The following ITGAD variants were observed in gnomAD, a reference collection of about 807,000 sequenced individuals.
The protein encoded by ITGAD is integrin subunit alpha D.
A neutral mutation model predicts 139.0 loss-of-function variants in ITGAD; 105 were observed. That is an observed-to-expected ratio of 0.76 (90% CI 0.65 to 0.89). ITGAD has a LOEUF of 0.89. Among genes scored for constraint, ITGAD ranks in the 40% least tolerant of loss-of-function variants. The pLI is 0.00. For synonymous variants in ITGAD, 569 were observed against 598.3 expected, an observed-to-expected ratio of 0.95 and a Z score of 0.71; for missense variants, 1,384 against 1,487.3, an observed-to-expected ratio of 0.93 and a Z score of 1.14.
chr16:31,408,619 G>GC (rs2081600553), intron 10 of ITGAD, 121 bp downstream of exon 10: 4 of 806,662 alleles, frequency 5.0e-6, no homozygotes, highest in Non-Finnish European at 8.1e-6. Flanking sequence ...CCAGGGAGAG[G>GC]CCCCCACGCG....
intron 5 of ITGAD, among the ~76,000 whole-genome samples, chr16:31,398,124 GACAGGGT>G (rs2081317843): frequency 1.3e-5 from 2 of 151,960 alleles, no homozygotes; most frequent in Admixed American, 6.6e-5. Context: ...TTCTTTTTAA[GACAGGGT>G]CCCTGCCAGG....
chr16:31,408,279 C>T, intron 9 of ITGAD, 146 bp from the exon 10 acceptor site: 1 of 697,328 alleles, frequency 1.4e-6, no homozygotes, highest in African/African-American at 1.8e-5. Flanking sequence ...GCCTGTCCCG[C>T]ACAGTCTTGA....
At chr16:31,396,880 A>G (rs901051994) in intron 2 of ITGAD, among the ~76,000 whole-genome samples, 1 of 152,186 alleles carries the variant, frequency 6.6e-6, no homozygotes, top group Non-Finnish European at 1.5e-5. Flanking sequence ...TTGCTTATAC[A>G]ATATTTAAAT....
chr16:31,397,695 G>GT, intron 4 of ITGAD, 29 bp downstream of exon 4: 1 of 1,506,056 alleles, frequency 6.6e-7, no homozygotes, highest in Non-Finnish European at 9.0e-7. Flanking sequence ...CCACGGGGGG[G>GT]TGGGGTGGGG....
Position 31,394,330 on chromosome 16 carries a change from C to T in ITGAD, c.126C>T (p.Phe42=), listed in dbSNP as rs140142659. The T allele has an allele frequency of 1.4e-3, 2,297 of 1,612,088 alleles. 3 individuals are homozygous for T. Among genetic ancestry groups the T allele is most frequent in the Non-Finnish European group, 1.8e-3 (2,110 of 1,178,570 alleles). ...GCTTTGGGCAGAGCGTGGTGCAGTTCGGTGGATCTCGGTAGGCCCCACTCA... is the reference window on the plus strand; with the variant it reads ...GCTTTGGGCAGAGCGTGGTGCAGTTTGGTGGATCTCGGTAGGCCCCACTCA... The part of the protein sequence containing the change: ...AGGFGQSVVQ[F]GGSRLVVGAP... The change falls in exon 2 of 30, where the codon TTC becomes TTT. Residue 42 remains phenylalanine, a synonymous_variant. Transcript: ENST00000389202.
chr16:31,414,304 A>G (rs769658571), intron 16 of ITGAD, 147 bp from the exon 17 acceptor site: 8 of 735,348 alleles, frequency 1.1e-5, no homozygotes, highest in Non-Finnish European at 1.5e-5. Context: ...CCGTCCATCT[A>G]TCTTCTTCAC....
At chr16:31,418,004 G>A in intron 20 of ITGAD, 71 bp from the exon 21 acceptor site, 1 of 1,186,208 alleles carries the variant, frequency 8.4e-7, no homozygotes, top group Non-Finnish European at 1.3e-6. Flanking sequence ...GCTCTGCAGT[G>A]CCACCACTGC....
chr16:31,415,586 C>G (rs2081864445), intron 18 of ITGAD, among the ~76,000 whole-genome samples: 1 of 152,250 alleles, frequency 6.6e-6, no homozygotes. Context: ...AGCACAGACT[C>G]TCTTGTTCAT....
In ITGAD at chr16:31,403,423, C is replaced by CCTCAATTTTT; in HGVS notation, c.559-77_559-76insCTCAATTTTT. On this transcript the variant is annotated intron_variant, in intron 6 of 29. Coordinates refer to ENST00000389202, the MANE Select transcript of ITGAD (RefSeq NM_005353.3). This position sits in a 1 kb window ranked among gnomAD's most constrained non-coding sequence, Gnocchi z 4.4. The stretch of plus-strand genomic sequence containing the variant: ...CTTGAGGCCAGGAGTTTGAGAGACC[C>CCTCAATTTTT]TGTCTCTACAAAAAATTAAAATAAA... 1 of 1,545,714 alleles carries CCTCAATTTTT rather than the reference C, an allele frequency of 6.5e-7. No homozygotes were observed. Among genetic ancestry groups the CCTCAATTTTT allele is most frequent in the Non-Finnish European group, 8.9e-7 (1 of 1,128,320 alleles).
chr16:31,412,867 G>T lies in ITGAD; in HGVS notation c.1737G>T (p.Arg579Ser). 6.2e-7 allele frequency: 1 copy of T among 1,614,002 alleles called. No individual in the cohort carries two copies. Among genetic ancestry groups the T allele is most frequent in the South Asian group, 1.1e-5 (1 of 91,080 alleles). Residue 579 changes from arginine (R) to serine (S), a missense_variant, in exon 15 of 30, where the codon AGG becomes AGT. Transcript: ENST00000389202. ...TTGCCAGCTCCCAGCTCTCCCCCAG[G>T]CTGCAGTATTTTGGGCAGGCGCTGA... ...QRIASSQLSPRLQYFGQALSG... is the reference protein window; with the variant it reads ...QRIASSQLSPSLQYFGQALSG...
In ITGAD at chr16:31,414,540, A is replaced by G; in HGVS notation, c.2086A>G (p.Thr696Ala). 6.2e-7 allele frequency: 1 copy of G among 1,614,086 alleles called. No individual in the cohort carries two copies. The change falls in exon 17 of 30, where the codon ACT (threonine) becomes GCT (alanine). Residue 696 changes from threonine to alanine, a missense_variant. By Grantham distance (58) the Thr-to-Ala change is moderately conservative. Transcript: ENST00000389202. ...RAIFNETKNPTLTRRKTLGLG... is the reference protein window; with the variant it reads ...RAIFNETKNPALTRRKTLGLG... ...CATTTTCAATGAAACCAAGAACCCC[A>G]CTTTGACTCGAAGAAAAACCCTGGG...
chr16:31,397,702 G>A (rs1344499524), intron 4 of ITGAD, 36 bp downstream of exon 4: 3 of 757,774 alleles, frequency 4.0e-6, no homozygotes, highest in Non-Finnish European at 6.7e-6. Flanking sequence ...GGGGTGGGGT[G>A]GGGCGGGGGG....
Position 31,403,533 on chromosome 16 carries a change from A to T in ITGAD, c.592A>T (p.Ile198Phe), listed in dbSNP as rs757805219. The T allele has an allele frequency of 1.2e-6, 2 of 1,613,994 alleles. No homozygotes were observed. Among genetic ancestry groups the T allele is most frequent in the Non-Finnish European group, 1.7e-6 (2 of 1,180,034 alleles). The change falls in exon 7 of 30, where the codon ATC (isoleucine) becomes TTC (phenylalanine). Residue 198 changes from isoleucine (I) to phenylalanine (F), a missense_variant. Transcript: ENST00000389202. This position sits in a 1 kb window ranked among gnomAD's most constrained non-coding sequence, Gnocchi z 4.4. The part of the protein sequence containing the change: ...ALMQYSNLLK[I>F]HFTFTQFRTS... ...GATGCAGTACTCAAACCTCCTGAAG[A>T]TCCACTTCACCTTCACCCAATTCCG... is the stretch of plus-strand genomic sequence containing the variant.
chr16:31,398,191 C>T (rs1339781904), intron 5 of ITGAD, among the ~76,000 whole-genome samples: 2 of 151,972 alleles, frequency 1.3e-5, no homozygotes, highest in African/African-American at 4.8e-5. Context: ...CTGAGGTGGG[C>T]GGATCACCTG....
In ITGAD at chr16:31,410,796, G is replaced by A. The variant is rs766705538; in HGVS notation, c.1274G>A (p.Arg425His). 12 of 1,613,534 alleles carry A rather than the reference G, an allele frequency of 7.4e-6. No homozygotes were observed. The highest frequency in any genetic ancestry group is 1.3e-5 in the African/African-American group (1 of 74,808). The change falls in exon 12 of 30, where the codon CGC becomes CAC. Residue 425 changes from arginine to histidine, a missense_variant. Arg to His is a conservative substitution (Grantham distance 29). Coordinates refer to ENST00000389202, the MANE Select transcript of ITGAD (RefSeq NM_005353.3). ...CAGAACCTGGTCCTGGGGGCCCCCC[G>A]CTACCAGCATACCGGGAAGGCTGTC... ...GVQNLVLGAP[R>H]YQHTGKAVIF... is the part of the protein sequence containing the mutation.
intron 23 of ITGAD, 71 bp from the exon 24 acceptor site, chr16:31,423,043 C>A: frequency 8.4e-7 from 1 of 1,188,068 alleles, no homozygotes; most frequent in Non-Finnish European, 1.3e-6. Context: ...CAACAGAGCT[C>A]TCTGCAGTAG....
At chr16:31,399,635 G>A (rs546646960) in intron 5 of ITGAD, among the ~76,000 whole-genome samples, 1 of 152,286 alleles carries the variant, frequency 6.6e-6, no homozygotes, top group South Asian at 2.1e-4. Context: ...GCCAGGTTAG[G>A]GAGGTGGCAC....
At position 31,423,552 on chromosome 16, in the gene ITGAD, T is replaced by G. The variant is rs753445947; in HGVS notation, c.2968-19T>G. Reference sequence around the variant, plus strand: ...ACATGTTGCTCATTCTGTGGCTAAGTGCTTCTTTCTCTTCCCAGAGTCTCC... The same window carrying G: ...ACATGTTGCTCATTCTGTGGCTAAGGGCTTCTTTCTCTTCCCAGAGTCTCC... On this transcript the variant is annotated intron_variant, in intron 25 of 29. Coordinates refer to ENST00000389202, the MANE Select transcript of ITGAD (RefSeq NM_005353.3). 4 of 1,612,316 alleles carry G rather than the reference T, an allele frequency of 2.5e-6. No individual in the cohort carries two copies. The South Asian group carries it at 3.3e-5, about 13-fold the overall frequency.
chr16:31,394,152 A>G (rs2081207603), intron 1 of ITGAD, 84 bp from the exon 2 acceptor site: 7 of 793,356 alleles, frequency 8.8e-6, no homozygotes, highest in African/African-American at 3.6e-5. Flanking sequence ...AAAAAAAAAG[A>G]AAAAAAAGAA....
Sources: gnomAD v4.1 joint callset for allele counts (sites outside exome capture counted in the v4.1 genomes callset) on GRCh38, gnomAD v4.1.1 for gene constraint, Gnocchi (gnomAD v3.1) non-coding constraint, MANE v1.5 for transcripts, NCBI Gene and HGNC (gene_info 2026-07-23, HGNC 2026-07-21) for gene names.